Variants in DACH1 observed in about 807,000 individuals in gnomAD.
DACH1 encodes dachshund homolog 1.
Under a neutral mutation model 54.2 loss-of-function variants are expected in DACH1, and 12 were observed. That is an observed-to-expected ratio of 0.22 (90% CI 0.14 to 0.36). DACH1 has a LOEUF of 0.36. Among genes scored for constraint, DACH1 ranks in the 10% least tolerant of loss-of-function variants. DACH1 has a pLI of 1.00. For synonymous variants in DACH1, 386 were observed against 366.2 expected (o/e 1.05, Z -0.62); for missense variants, 805 against 929.8 (o/e 0.87, Z 1.75).
intron 2 of DACH1, among the ~76,000 whole-genome samples, chr13:71,631,523 A>G (rs1877101255): frequency 6.6e-6 from 1 of 152,216 alleles, no homozygotes. Context: ...AAGGTGTTAA[A>G]AAATAAAATA....
intron 6 of DACH1, among the ~76,000 whole-genome samples, chr13:71,506,025 TA>T (rs1253514325): frequency 1.3e-5 from 2 of 152,152 alleles, no homozygotes; most frequent in Admixed American, 1.3e-4. Flanking sequence ...ACTATACTGT[TA>T]TTTAATGTTA....
intron 2 of DACH1, among the ~76,000 whole-genome samples, chr13:71,648,920 C>T (rs577654281): frequency 6.6e-6 from 1 of 152,222 alleles, no homozygotes; most frequent in African/African-American, 2.4e-5. Context: ...ATGGTAGGGT[C>T]AAGGCCATGG....
chr13:71,476,022 T>G (rs1877492365), intron 8 of DACH1, among the ~76,000 whole-genome samples, 173 bp from the exon 9 acceptor site: 1 of 152,108 alleles, frequency 6.6e-6, no homozygotes, highest in African/African-American at 2.4e-5. Flanking sequence ...TAATTCCCAG[T>G]AAAATAATAA....
chr13:71,765,155 G>A (rs1163854886), intron 1 of DACH1, among the ~76,000 whole-genome samples: 1 of 152,120 alleles, frequency 6.6e-6, no homozygotes, highest in Non-Finnish European at 1.5e-5. Flanking sequence ...ACATTTCCAT[G>A]AATTTGTTAT....
intron 6 of DACH1, among the ~76,000 whole-genome samples, chr13:71,548,252 G>A (rs1883586284): frequency 6.6e-6 from 1 of 152,106 alleles, no homozygotes; most frequent in South Asian, 2.1e-4. Flanking sequence ...ATTATTATAT[G>A]TCCATGTGGC....
intron 5 of DACH1, among the ~76,000 whole-genome samples, chr13:71,558,576 T>A (rs979532030): frequency 6.6e-6 from 1 of 152,004 alleles, no homozygotes; most frequent in Non-Finnish European, 1.5e-5. Context: ...CAATATCTTA[T>A]AATGAAACCA....
chr13:71,789,405 T>G (rs2138088482), intron 1 of DACH1, among the ~76,000 whole-genome samples: 1 of 152,250 alleles, frequency 6.6e-6, no homozygotes, highest in East Asian at 1.9e-4. Flanking sequence ...GTTGGAAAAG[T>G]GCATAAAGAT....
intron 10 of DACH1, among the ~76,000 whole-genome samples, chr13:71,457,854 A>C (rs1875718863): frequency 6.6e-6 from 1 of 151,896 alleles, no homozygotes; most frequent in Non-Finnish European, 1.5e-5. Flanking sequence ...TGCCTGCTTC[A>C]TATCTCCTGA....
chr13:71,860,612 T>G (rs1281531046), intron 1 of DACH1, among the ~76,000 whole-genome samples: 3 of 151,942 alleles, frequency 2.0e-5, no homozygotes, highest in African/African-American at 4.8e-5. Flanking sequence ...TTAGAAGGCA[T>G]AGTTCAAATT....
At chr13:71,812,624 C>T (rs939956883) in intron 1 of DACH1, among the ~76,000 whole-genome samples, 36 of 152,024 alleles carry the variant, frequency 2.4e-4, no homozygotes, top group Admixed American at 1.9e-3. Flanking sequence ...TCCCTAAAGT[C>T]TATTTCCAAT....
At chr13:71,752,111 C>G (rs1401742545) in intron 1 of DACH1, among the ~76,000 whole-genome samples, 1 of 152,030 alleles carries the variant, frequency 6.6e-6, no homozygotes, top group Non-Finnish European at 1.5e-5. Flanking sequence ...GAAGCAACAG[C>G]AAATAAGTGG....
intron 6 of DACH1, among the ~76,000 whole-genome samples, chr13:71,516,733 C>G (rs1374131437): frequency 6.6e-6 from 1 of 151,780 alleles, no homozygotes; most frequent in Non-Finnish European, 1.5e-5. Context: ...CAGACGTCTG[C>G]CAAGCACTTG....
chr13:71,698,446 C>T (rs1327174538), intron 1 of DACH1, among the ~76,000 whole-genome samples: 3 of 152,030 alleles, frequency 2.0e-5, no homozygotes, highest in African/African-American at 7.2e-5. Context: ...GTTTAGTCCT[C>T]TGTATTGAAA....
At chr13:71,633,601 G>GACACACACAC (rs76720343) in intron 2 of DACH1, among the ~76,000 whole-genome samples, 20 of 149,590 alleles carry the variant, frequency 1.3e-4, no homozygotes, top group African/African-American at 3.4e-4. Context: ...GTGTGTCACT[G>GACACACACAC]ACACACACAC....
intron 1 of DACH1, among the ~76,000 whole-genome samples, chr13:71,690,408 T>C (rs1881415022): frequency 6.6e-6 from 1 of 152,176 alleles, no homozygotes; most frequent in South Asian, 2.1e-4. Flanking sequence ...TTTTCCTTTC[T>C]TCCCGTAAGT....
At chr13:71,796,642 A>G (rs1887063684) in intron 1 of DACH1, among the ~76,000 whole-genome samples, 1 of 152,134 alleles carries the variant, frequency 6.6e-6, no homozygotes, top group African/African-American at 2.4e-5. Context: ...TTTCAAACTA[A>G]TTATAAGGCC....
intron 1 of DACH1, among the ~76,000 whole-genome samples, chr13:71,781,569 G>C (rs984443208): frequency 6.6e-6 from 1 of 151,684 alleles, no homozygotes; most frequent in Non-Finnish European, 1.5e-5. Context: ...TAGTAGAGAC[G>C]GGGTTTCACC....
chr13:71,506,387 T>G (rs1161535335), intron 6 of DACH1, among the ~76,000 whole-genome samples: 1 of 149,482 alleles, frequency 6.7e-6, no homozygotes, highest in Non-Finnish European at 1.5e-5. Flanking sequence ...ATATGCGGTG[T>G]TTGGTTTTTT....
At chr13:71,782,549 G>A (rs1886429433) in intron 1 of DACH1, among the ~76,000 whole-genome samples, 1 of 152,138 alleles carries the variant, frequency 6.6e-6, no homozygotes, top group Non-Finnish European at 1.5e-5. Flanking sequence ...CTAATAATCT[G>A]TATTACTGGT....
Sources: allele counts gnomAD v4.1 joint callset (sites outside exome capture counted in the v4.1 genomes callset), GRCh38; gene constraint gnomAD v4.1.1; transcripts MANE v1.5; gene names NCBI Gene and HGNC (gene_info 2026-07-23, HGNC 2026-07-21).